The following TECTA variants were observed in gnomAD, a reference collection of about 807,000 sequenced individuals.
The protein encoded by TECTA is tectorin alpha, also known as alpha-tectorin.
In TECTA, 128 loss-of-function variants were observed where a neutral mutation model predicts 216.8. That is an observed-to-expected ratio of 0.59 (90% CI 0.51 to 0.68). The LOEUF is 0.68. Ranked by LOEUF, TECTA falls within the 30% of genes least tolerant of loss-of-function variation. The pLI is 0.00. For missense variants in TECTA, 2,551 were observed against 2,786.2 expected, an observed-to-expected ratio of 0.92 and a Z score of 1.90; for synonymous variants, 1,089 against 1,117.1, an observed-to-expected ratio of 0.97 and a Z score of 0.50.
chr11:121,132,389 T>C (rs1035663221), intron 10 of TECTA, among the ~76,000 whole-genome samples: 5 of 152,236 alleles, frequency 3.3e-5, no homozygotes, highest in Non-Finnish European at 5.9e-5. Flanking sequence ...CGAGGCACGA[T>C]GTACTCCGGG....
intron 13 of TECTA, among the ~76,000 whole-genome samples, chr11:121,157,089 T>C (rs1252234028): frequency 2.6e-5 from 4 of 152,250 alleles, no homozygotes; most frequent in Admixed American, 6.5e-5. Flanking sequence ...ATTGCTTTCT[T>C]ACGACTGTTT....
intron 20 of TECTA, among the ~76,000 whole-genome samples, chr11:121,176,086 C>T (rs1947163352): frequency 6.6e-6 from 1 of 151,718 alleles, no homozygotes; most frequent in African/African-American, 2.4e-5. Context: ...TGTGTCTCTG[C>T]ATGTGAGATG....
chr11:121,158,086 C>T lies in TECTA; in HGVS notation c.4551C>T (p.Cys1517=), dbSNP rs756492514. Residue 1517 remains cysteine (C), a synonymous_variant, in exon 14 of 24, where the codon TGC becomes TGT. Coordinates refer to ENST00000392793, the MANE Select transcript of TECTA (RefSeq NM_005422.4). The part of the protein sequence containing the change: ...ANCAFVLSTI[C]QKLPDISFQL... ...GCGCCTTCGTGCTGTCCACCATCTGCCAGAAACTGCCCGACATCTCCTTCC... is the reference window on the plus strand; with the variant it reads ...GCGCCTTCGTGCTGTCCACCATCTGTCAGAAACTGCCCGACATCTCCTTCC... 7 of 1,614,006 alleles carry T rather than the reference C, an allele frequency of 4.3e-6. No homozygotes were observed. In the South Asian group the frequency reaches 5.5e-5, roughly 13 times the overall value.
At chr11:121,158,252 A>C in intron 14 of TECTA, 28 bp downstream of exon 14, 1 of 1,607,390 alleles carries the variant, frequency 6.2e-7, no homozygotes, top group East Asian at 2.2e-5. Context: ...CATTCTTAAG[A>C]AGGGGCCCGG....
At chr11:121,128,478 G>A in intron 9 of TECTA, 134 bp downstream of exon 9, 1 of 797,128 alleles carries the variant, frequency 1.3e-6, no homozygotes. Context: ...CCAAACGGGA[G>A]CGTTTTCTAA....
rs1946987380 is a variant in TECTA, at chr11:121,160,402, A to G, written c.4957A>G (p.Thr1653Ala). 2.5e-6 allele frequency: 4 copies of G among 1,611,852 alleles called. No individual in the cohort carries two copies. The highest frequency in any genetic ancestry group is 1.3e-5 in the African/African-American group (1 of 74,844). The change falls in exon 15 of 24, where the codon ACC becomes GCC. Residue 1653 changes from threonine (T) to alanine (A), a missense_variant. Transcript: ENST00000392793. ...SSVVLAQSWK[T>A]NGMQKRPLAP... ...CGTGGTGCTGGCCCAGAGCTGGAAAACCAATGGCATGCAGAAGAGGTGAGG... is the reference window on the plus strand; with the variant it reads ...CGTGGTGCTGGCCCAGAGCTGGAAAGCCAATGGCATGCAGAAGAGGTGAGG...
rs1404121975 is a variant in TECTA, at chr11:121,157,918, G to A, written c.4383G>A (p.Pro1461=). 1.8e-5 allele frequency: 29 copies of A among 1,614,050 alleles called. No individual in the cohort carries two copies. The highest frequency in any genetic ancestry group is 1.6e-4 in the Middle Eastern group (1 of 6,084). The part of the protein sequence containing the change: ...CFRRNVIQCD[P]RQCKSDEECA... Reference sequence around the variant, plus strand: ...GTCGCAACGTGATTCAGTGCGACCCGCGCCAATGCAAGTCAGACGAGGAGT... The same window carrying A: ...GTCGCAACGTGATTCAGTGCGACCCACGCCAATGCAAGTCAGACGAGGAGT... Residue 1461 remains proline (P), a synonymous_variant, in exon 14 of 24, where the codon CCG becomes CCA. Transcript: ENST00000392793.
At chr11:121,138,538 G>A (rs1946754026) in intron 11 of TECTA, among the ~76,000 whole-genome samples, 1 of 152,182 alleles carries the variant, frequency 6.6e-6, no homozygotes, top group Non-Finnish European at 1.5e-5. Flanking sequence ...TGGCTCCCAA[G>A]GGATCTGTGA....
At chr11:121,165,979 A>T (rs547811680) in intron 17 of TECTA, among the ~76,000 whole-genome samples, 1 of 152,340 alleles carries the variant, frequency 6.6e-6, no homozygotes, top group South Asian at 2.1e-4. Context: ...CGGGAATGAA[A>T]ATCTGGTTGA....
intron 10 of TECTA, among the ~76,000 whole-genome samples, chr11:121,135,264 C>A (rs1946714564): frequency 1.3e-5 from 2 of 152,202 alleles, no homozygotes. Context: ...TTAACTGGCC[C>A]TCCTGTTGGC....
In TECTA at chr11:121,108,110, C is replaced by T. The variant is rs1946406650; in HGVS notation, c.199-1101C>T. 1.3e-5 allele frequency among the ~76,000 whole-genome samples: 2 copies of T among 152,112 alleles called. 1 individual carries two copies. Among genetic ancestry groups the T allele is most frequent in the South Asian group, 4.1e-4 (2 of 4,828 alleles). ...TCTTTCTCTGACACTCCTCTTTTGT[C>T]ATAAAATAGGAAGCAAGCCCTAACA... On this transcript the variant is annotated intron_variant, in intron 3 of 23. Coordinates refer to ENST00000392793, the MANE Select transcript of TECTA (RefSeq NM_005422.4).
At chr11:121,177,747 T>G (rs1314683450) in intron 20 of TECTA, among the ~76,000 whole-genome samples, 5 of 152,234 alleles carry the variant, frequency 3.3e-5, no homozygotes, top group Admixed American at 6.5e-5. Flanking sequence ...TGGTTACTGC[T>G]GTCTTTTTGT....
intron 2 of TECTA, among the ~76,000 whole-genome samples, chr11:121,103,485 G>A (rs968261654): frequency 6.6e-6 from 1 of 152,022 alleles, no homozygotes; most frequent in Non-Finnish European, 1.5e-5. Context: ...GTGAATTTAA[G>A]CAGTTAAACC....
Position 121,157,890 on chromosome 11 carries a change from T to A in TECTA, c.4355T>A (p.Phe1452Tyr), listed in dbSNP as rs1946957875. 6.2e-7 allele frequency: 1 copy of A among 1,614,112 alleles called. No homozygotes were observed. Among genetic ancestry groups the A allele is most frequent in the Admixed American group, 1.7e-5 (1 of 60,016 alleles). ...GACTGCACGCGGCGCTGCCGCTGTT[T>A]CCGTCGCAACGTGATTCAGTGCGAC... ...NSDCTRRCRC[F>Y]RRNVIQCDPR... is the part of the protein sequence containing the mutation. The change falls in exon 14 of 24, where the codon TTC becomes TAC. Residue 1452 changes from phenylalanine (F) to tyrosine (Y), a missense_variant. Physicochemically the swap from Phe to Tyr is conservative, Grantham distance 22. Around this residue, in one of 3 missense-constraint regions of TECTA, gnomAD observed 2,375 missense variants for 2,563.9 expected, o/e 0.93. Transcript: ENST00000392793.
rs545258997 is a variant in TECTA, at chr11:121,103,236, C to T, written c.64+507C>T. Among the ~76,000 whole-genome samples the T allele has an allele frequency of 1.4e-4, 22 of 152,302 alleles. No homozygotes were observed. In the South Asian group the frequency reaches 4.6e-3, roughly 32 times the overall value. On this transcript the variant is annotated intron_variant, in intron 2 of 23. Transcript: ENST00000392793. ...CAATTTTTCCCCTCAGTGATTCCTTCTTTTTCTCTGTGTAGCACTGCCCTG... is the reference window on the plus strand; with the variant it reads ...CAATTTTTCCCCTCAGTGATTCCTTTTTTTTCTCTGTGTAGCACTGCCCTG...
Position 121,137,887 on chromosome 11 carries a change from C to A in TECTA, c.3408C>A (p.Asp1136Glu). ...LCTTGSRPSS[D>E]SFPKFVVTAK... ...CCACAGGAAGCAGGCCAAGCTCAGA[C>A]TCTTTCCCCAAGTTTGTTGTCACAG... The change falls in exon 11 of 24, where the codon GAC becomes GAA. Residue 1136 changes from aspartate to glutamate, a missense_variant. By Grantham distance (45) the Asp-to-Glu change is conservative (BLOSUM62 2). This residue lies in a region of TECTA where 2,375 missense variants were observed against 2,563.9 expected (regional missense o/e 0.93). Transcript: ENST00000392793. 6.2e-7 allele frequency: 1 copy of A among 1,602,646 alleles called. No homozygotes were observed. The highest frequency in any genetic ancestry group is 8.5e-7 in the Non-Finnish European group (1 of 1,171,016).
At chr11:121,123,009 G>T (rs1946574179) in intron 7 of TECTA, among the ~76,000 whole-genome samples, 1 of 152,246 alleles carries the variant, frequency 6.6e-6, no homozygotes, top group Non-Finnish European at 1.5e-5. Flanking sequence ...AGAGCTGCAT[G>T]TGGCGCCTGC....
At chr11:121,166,277 C>T (rs1025562265) in intron 17 of TECTA, among the ~76,000 whole-genome samples, 1 of 152,216 alleles carries the variant, frequency 6.6e-6, no homozygotes, top group Non-Finnish European at 1.5e-5. Context: ...CAGTATGCAG[C>T]TTACAGAAAA....
intron 20 of TECTA, among the ~76,000 whole-genome samples, chr11:121,171,598 T>C (rs1947112871): frequency 6.6e-6 from 1 of 152,180 alleles, no homozygotes; most frequent in African/African-American, 2.4e-5. Context: ...ATTTCTTCCA[T>C]CAGCGTTTTG....
Sources: allele counts gnomAD v4.1 joint callset (sites outside exome capture counted in the v4.1 genomes callset), GRCh38; gene constraint gnomAD v4.1.1; regional missense constraint gnomAD v4.1.1; transcripts MANE v1.5; gene names NCBI Gene and HGNC (gene_info 2026-07-23, HGNC 2026-07-21).